DLG2: variants seen among roughly 807,000 people sequenced by gnomAD.
DLG2 encodes the protein discs large MAGUK scaffold protein 2.
A neutral mutation model predicts 132.5 loss-of-function variants in DLG2; 45 were observed. The observed-to-expected ratio is 0.34, with a 90% CI of 0.27 to 0.44. The LOEUF is 0.44. DLG2 is among the 20% of genes least tolerant of loss of function. The pLI is 1.00. For synonymous variants in DLG2, 424 were observed against 419.6 expected, an observed-to-expected ratio of 1.01 and a Z score of -0.13; for missense variants, 1,045 against 1,196.9, an observed-to-expected ratio of 0.87 and a Z score of 1.87.
At chr11:83,588,546 A>G (rs940361119) in intron 19 of DLG2, among the ~76,000 whole-genome samples, 6 of 152,184 alleles carry the variant, frequency 3.9e-5, no homozygotes, top group African/African-American at 1.4e-4. Flanking sequence ...GGGAAAAAAC[A>G]GAACAGAAAA....
chr11:84,587,487 T>A (rs1309540409), intron 6 of DLG2, among the ~76,000 whole-genome samples: 1 of 152,228 alleles, frequency 6.6e-6, no homozygotes, highest in Non-Finnish European at 1.5e-5. Context: ...GCCTACTATA[T>A]AAATGTTTTT....
chr11:84,923,487 G>C, intron 6 of DLG2: 1 of 1,020,298 alleles, frequency 9.8e-7, no homozygotes, highest in Non-Finnish European at 1.2e-6. Flanking sequence ...GGGGGGAAAG[G>C]TGAAGAATTG....
chr11:84,948,449 G>A (rs1408339992), intron 6 of DLG2, among the ~76,000 whole-genome samples: 1 of 152,150 alleles, frequency 6.6e-6, no homozygotes, highest in Non-Finnish European at 1.5e-5. Context: ...AGAAAGCAAG[G>A]GCAGGACTGG....
chr11:83,934,681 C>A (rs976051429), intron 14 of DLG2, among the ~76,000 whole-genome samples: 2 of 152,174 alleles, frequency 1.3e-5, no homozygotes, highest in African/African-American at 4.8e-5. Flanking sequence ...CCAAAGAGCT[C>A]TCAAAGCCTT....
At chr11:84,390,044 A>T (rs183687116) in intron 7 of DLG2, among the ~76,000 whole-genome samples, 78 of 152,298 alleles carry the variant, frequency 5.1e-4, no homozygotes, top group African/African-American at 1.9e-3. Context: ...CTTAAGTGGT[A>T]TAATCATCTT....
At chr11:84,422,392 A>C (rs1196949361) in intron 7 of DLG2, among the ~76,000 whole-genome samples, 1 of 152,158 alleles carries the variant, frequency 6.6e-6, no homozygotes, top group Non-Finnish European at 1.5e-5. Flanking sequence ...ATGCTCTTTA[A>C]AATTTATTTG....
intron 6 of DLG2, among the ~76,000 whole-genome samples, chr11:84,959,931 C>A (rs1243597238): frequency 1.3e-5 from 2 of 152,078 alleles, no homozygotes; most frequent in Non-Finnish European, 2.9e-5. Flanking sequence ...AAATTAGTGA[C>A]TTTAAAGATT....
At chr11:85,128,726 C>T (rs2075396151) in intron 5 of DLG2, among the ~76,000 whole-genome samples, 1 of 152,108 alleles carries the variant, frequency 6.6e-6, no homozygotes, top group African/African-American at 2.4e-5. Flanking sequence ...TATCTTTCAA[C>T]TACTCAAAAC....
At chr11:83,744,230 T>C (rs566008487) in intron 18 of DLG2, among the ~76,000 whole-genome samples, 1 of 152,346 alleles carries the variant, frequency 6.6e-6, no homozygotes, top group African/African-American at 2.4e-5. Context: ...TTGACTTTGA[T>C]CCAGCAGCTG....
intron 7 of DLG2, among the ~76,000 whole-genome samples, chr11:84,411,638 G>A (rs1048201616): frequency 2.6e-5 from 4 of 152,012 alleles, no homozygotes; most frequent in Non-Finnish European, 4.4e-5. Flanking sequence ...GTAAGCTAGG[G>A]TTCAATTGTT....
In DLG2 at chr11:83,517,059, G is replaced by A. The variant is rs552048800; in HGVS notation, c.2193+15649C>T. Among the ~76,000 whole-genome samples, 16 of 152,216 alleles carry A rather than the reference G, an allele frequency of 1.1e-4. No individual in the cohort carries two copies. In the East Asian group the frequency reaches 2.9e-3, roughly 28 times the overall value. ...GGCATTCTCTGTATTTCCTGAATCTGAATGTTGGCCTGCCTTGCTAGATTG... is the reference window on the plus strand; with the variant it reads ...GGCATTCTCTGTATTTCCTGAATCTAAATGTTGGCCTGCCTTGCTAGATTG... On this transcript the variant is annotated intron_variant, in intron 21 of 27. Transcript: ENST00000376104.
At position 85,538,080 on chromosome 11, in the gene DLG2, C is replaced by A. The variant is rs548140797; in HGVS notation, c.40+60577G>T. ...CCAGTGAGCCGAGATCGCGCCACTGCACTCCAGCCTGGGTGACAGAGCGAG... is the reference window on the plus strand; with the variant it reads ...CCAGTGAGCCGAGATCGCGCCACTGAACTCCAGCCTGGGTGACAGAGCGAG... On this transcript the variant is annotated intron_variant, in intron 3 of 27. Transcript: ENST00000376104. Among the ~76,000 whole-genome samples the A allele has an allele frequency of 1.1e-4, 16 of 152,038 alleles. No individual in the cohort carries two copies. In the South Asian group the frequency reaches 3.1e-3, roughly 30 times the overall value.
In DLG2 at chr11:83,657,836, A is replaced by G. The variant is rs74924828; in HGVS notation, c.1826-24511T>C. On this transcript the variant is annotated intron_variant, in intron 18 of 27. Coordinates refer to ENST00000376104, the MANE Select transcript of DLG2 (RefSeq NM_001142699.3). ...ATTACAGGCGTGAGCCACCGCGCCC[A>G]GCCTATATTGTCTATTCTTAACAAT... Among the ~76,000 whole-genome samples the G allele has an allele frequency of 3.0e-3, 454 of 152,264 alleles. 15 individuals are homozygous for G. The East Asian group carries it at 0.063, about 21-fold the overall frequency.
intron 3 of DLG2, among the ~76,000 whole-genome samples, chr11:85,316,342 A>C (rs2080674354): frequency 6.6e-6 from 1 of 152,048 alleles, no homozygotes; most frequent in South Asian, 2.1e-4. Context: ...ACACCGATTT[A>C]AGCTATCCTG....
At chr11:85,181,126 C>G (rs2079664328) in intron 4 of DLG2, among the ~76,000 whole-genome samples, 1 of 151,666 alleles carries the variant, frequency 6.6e-6, no homozygotes, top group Admixed American at 6.6e-5. Flanking sequence ...TTTACTAGCA[C>G]TAAAGAAGAA....
chr11:84,425,166 G>A (rs967920606), intron 7 of DLG2, among the ~76,000 whole-genome samples: 8 of 152,090 alleles, frequency 5.3e-5, no homozygotes, highest in Non-Finnish European at 8.8e-5. Context: ...GGGCAAATGA[G>A]TATTTGTTGA....
rs2098986991 is a variant in DLG2, at chr11:84,432,275, A to G, written c.519+102295T>C. Among the ~76,000 whole-genome samples the G allele has an allele frequency of 1.3e-5, 2 of 152,316 alleles. 1 individual carries two copies. The highest frequency in any genetic ancestry group is 4.1e-4 in the South Asian group (2 of 4,832). On this transcript the variant is annotated intron_variant, in intron 7 of 27. Coordinates refer to ENST00000376104, the MANE Select transcript of DLG2 (RefSeq NM_001142699.3). ...CTGGAAGCTAGAGAGAGCATGGGCCATTTAGGGATTTGAAAGTAGTTCAGA... is the reference window on the plus strand; with the variant it reads ...CTGGAAGCTAGAGAGAGCATGGGCCGTTTAGGGATTTGAAAGTAGTTCAGA...
At chr11:83,552,908 T>A (rs78475249) in intron 19 of DLG2, among the ~76,000 whole-genome samples, 2 of 152,250 alleles carry the variant, frequency 1.3e-5, no homozygotes, top group African/African-American at 2.4e-5. Context: ...TTCCTGAATC[T>A]ATCAAGAGAA....
intron 6 of DLG2, among the ~76,000 whole-genome samples, chr11:84,639,469 A>G (rs2099650275): frequency 6.6e-6 from 1 of 152,114 alleles, no homozygotes; most frequent in South Asian, 2.1e-4. Flanking sequence ...CCATCTTATA[A>G]CATTGACAGT....
Sources: gnomAD v4.1 joint callset for allele counts (sites outside exome capture counted in the v4.1 genomes callset) on GRCh38, gnomAD v4.1.1 for gene constraint, MANE v1.5 for transcripts, NCBI Gene and HGNC (gene_info 2026-07-23, HGNC 2026-07-21) for gene names.